The following MBP variants were observed in gnomAD, a reference collection of about 807,000 sequenced individuals.
The protein encoded by MBP is myelin basic protein, also known as Golli-MBP.
Under a neutral mutation model 35.8 loss-of-function variants are expected in MBP, and 16 were observed. That is an observed-to-expected ratio of 0.45 (90% CI 0.30 to 0.68). The LOEUF (loss-of-function observed/expected upper bound fraction) is 0.68. Among genes scored for constraint, MBP ranks in the 30% least tolerant of loss-of-function variants. MBP has a pLI of 0.08. For synonymous variants in MBP, 143 were observed against 159.6 expected, an observed-to-expected ratio of 0.90 and a Z score of 0.78; for missense variants, 380 against 404.7, an observed-to-expected ratio of 0.94 and a Z score of 0.52.
rs1049325297 is a variant in MBP at position 77,044,002 on chromosome 18, C to T, written c.139+22296G>A. ...GCCGTCCTGTGTCTCCTGATTTCTG[C>T]GTTTTTGATCCTGAGGCTCTCTGCC... On this transcript the variant is annotated intron_variant, in intron 3 of 8. Coordinates refer to ENST00000355994, the MANE Select transcript of MBP (RefSeq NM_001025101.2). The surrounding 1 kb of genome is among the most constrained non-coding windows in gnomAD (Gnocchi z 4.4). Among the ~76,000 whole-genome samples the T allele has an allele frequency of 2.6e-4, 38 of 147,950 alleles. No individual in the cohort carries two copies. The highest frequency in any genetic ancestry group is 4.1e-4 in the Non-Finnish European group (27 of 66,174).
intron 3 of MBP, among the ~76,000 whole-genome samples, chr18:77,019,119 C>T (rs1480729644): frequency 6.6e-6 from 1 of 151,850 alleles, no homozygotes; most frequent in Non-Finnish European, 1.5e-5. Context: ...ATGTACCATT[C>T]TAAATATCTG....
intron 8 of MBP, 71 bp from the exon 9 acceptor site, chr18:76,980,542 G>A (rs1969125200): frequency 8.6e-7 from 1 of 1,166,964 alleles, no homozygotes; most frequent in East Asian, 2.3e-5. Context: ...CCCCTCTTCT[G>A]TGGTCCCGGG....
chr18:77,004,228 TA>T (rs1186304887), intron 4 of MBP: 1 of 151,968 alleles, frequency 6.6e-6, no homozygotes, highest in African/African-American at 2.4e-5. Flanking sequence ...GTTACAATAC[TA>T]GTTAAATAAT....
intron 2 of MBP, among the ~76,000 whole-genome samples, chr18:77,081,106 G>C (rs1251566895): frequency 6.6e-6 from 1 of 152,222 alleles, no homozygotes; most frequent in Non-Finnish European, 1.5e-5. Flanking sequence ...CTCAGGAGTA[G>C]AGACTGACTG....
At chr18:77,067,809 C>T (rs753525642) in intron 2 of MBP, 1 of 511,438 alleles carries the variant, frequency 2.0e-6, no homozygotes, top group Admixed American at 2.0e-5. Context: ...TACATAGTCT[C>T]AATTTTACAT....
intron 2 of MBP, among the ~76,000 whole-genome samples, chr18:77,075,468 C>T (rs932192758): frequency 2.0e-5 from 3 of 152,220 alleles, no homozygotes; most frequent in African/African-American, 7.2e-5. Context: ...AAGGTGGGTC[C>T]TCTGTCCCCT....
intron 3 of MBP, among the ~76,000 whole-genome samples, chr18:77,041,603 A>C (rs1195592968): frequency 6.6e-6 from 1 of 152,152 alleles, no homozygotes; most frequent in African/African-American, 2.4e-5. Flanking sequence ...CAGCCATAAA[A>C]AATGATGAGT....
intron 3 of MBP, among the ~76,000 whole-genome samples, chr18:77,052,617 G>A (rs958098213): frequency 1.3e-5 from 2 of 152,216 alleles, no homozygotes; most frequent in Admixed American, 6.5e-5. Context: ...TGAAGCGAAT[G>A]CAGCTATGAT....
At chr18:77,104,083 G>A (rs1290798063) in intron 2 of MBP, among the ~76,000 whole-genome samples, 1 of 152,266 alleles carries the variant, frequency 6.6e-6, no homozygotes, top group African/African-American at 2.4e-5. Context: ...AAAGTCCAGT[G>A]ACAGTGAGAC....
chr18:77,023,983 T>A (rs1972098014), intron 3 of MBP, among the ~76,000 whole-genome samples: 1 of 152,244 alleles, frequency 6.6e-6, no homozygotes, highest in Non-Finnish European at 1.5e-5. Flanking sequence ...GAACGTTTGC[T>A]AATAGAAGAT....
At position 77,019,875 on chromosome 18, in the gene MBP, G is replaced by T. The variant is rs565991228; in HGVS notation, c.140-2607C>A. Among the ~76,000 whole-genome samples the T allele has an allele frequency of 1.8e-4, 28 of 152,346 alleles. 1 individual carries two copies. In the South Asian group the frequency reaches 5.8e-3, roughly 32 times the overall value. On this transcript the variant is annotated intron_variant, in intron 3 of 8. Transcript: ENST00000355994. ...GCGGAAGCAGCAGGAGAGCGGCCAT[G>T]CTGGTTCTGGGTCCAGGAGGATGGC...
chr18:77,089,072 T>TCCTCC (rs1975396240), intron 2 of MBP, among the ~76,000 whole-genome samples: 2 of 152,268 alleles, frequency 1.3e-5, no homozygotes, highest in African/African-American at 4.8e-5. Context: ...ATTATTCACG[T>TCCTCC]AGCCTGTCAC....
intron 3 of MBP, among the ~76,000 whole-genome samples, chr18:77,037,827 T>C (rs1334330762): frequency 6.6e-6 from 1 of 152,150 alleles, no homozygotes; most frequent in African/African-American, 2.4e-5. Context: ...CGTGGCCACA[T>C]GCAGAAAGCA....
At chr18:77,012,720 C>T in intron 4 of MBP, 3 of 924,800 alleles carry the variant, frequency 3.2e-6, no homozygotes, top group Non-Finnish European at 3.9e-6. Context: ...CAACACAGCA[C>T]ACTGACGTGG....
chr18:77,105,203 C>G lies in MBP; in HGVS notation c.51+8G>C, dbSNP rs371362968. 6.2e-7 allele frequency: 1 copy of G among 1,612,538 alleles called. No individual in the cohort carries two copies. On this transcript the variant is annotated splice_region_variant and intron_variant, in intron 2 of 8. Transcript: ENST00000355994. The stretch of plus-strand genomic sequence containing the variant: ...CATGCACATGTTTCGGATCAGCTCA[C>G]GTCTTACCGTACTGGCCTTCTCGGC...
intron 7 of MBP, chr18:76,986,514 G>C: frequency 5.1e-6 from 5 of 985,544 alleles, no homozygotes; most frequent in Non-Finnish European, 6.0e-6. Flanking sequence ...CTGTGCTTGG[G>C]AGTGAGCATG....
In MBP at chr18:76,988,151, G is replaced by C; in HGVS notation, c.750+344C>G. 6.5e-7 allele frequency: 1 copy of C among 1,536,070 alleles called. No homozygotes were observed. The highest frequency in any genetic ancestry group is 8.7e-7 in the Non-Finnish European group (1 of 1,146,262). On this transcript the variant is annotated intron_variant, in intron 7 of 8. Coordinates refer to ENST00000355994, the MANE Select transcript of MBP (RefSeq NM_001025101.2). This position sits in a 1 kb window ranked among gnomAD's most constrained non-coding sequence, Gnocchi z 5.2. ...CGGGTTCCTGGGGCTTCTCGCACTGGTTGTGTTGGAGGAAGTTAAACATTT... is the reference window on the plus strand; with the variant it reads ...CGGGTTCCTGGGGCTTCTCGCACTGCTTGTGTTGGAGGAAGTTAAACATTT...
chr18:76,998,003 ATTTT>A (rs1046081498), intron 4 of MBP, among the ~76,000 whole-genome samples: 1 of 152,294 alleles, frequency 6.6e-6, no homozygotes, highest in African/African-American at 2.4e-5. Flanking sequence ...TTAAAAAGTA[ATTTT>A]TTTATTGTGG....
chr18:77,076,107 G>A (rs1009629010), intron 2 of MBP, among the ~76,000 whole-genome samples: 3 of 152,262 alleles, frequency 2.0e-5, no homozygotes, highest in African/African-American at 7.2e-5. Context: ...GACAGCCTGT[G>A]ATTCAGAATC....
Sources: allele counts gnomAD v4.1 joint callset (sites outside exome capture counted in the v4.1 genomes callset), GRCh38; gene constraint gnomAD v4.1.1; non-coding constraint Gnocchi (gnomAD v3.1); transcripts MANE v1.5; gene names NCBI Gene and HGNC (gene_info 2026-07-23, HGNC 2026-07-21).